The following GRIK1 variants were observed in gnomAD, a reference collection of about 807,000 sequenced individuals.
GRIK1 encodes the protein glutamate ionotropic receptor kainate type subunit 1, also known as glutamate receptor ionotropic, kainate 1.
In GRIK1, 69 loss-of-function variants were observed where a neutral mutation model predicts 105.7. The ratio of observed to expected loss-of-function variants is 0.65; its 90% CI spans 0.54 to 0.80. The LOEUF (loss-of-function observed/expected upper bound fraction) is 0.80. Ranked by LOEUF, GRIK1 falls within the 30% of genes least tolerant of loss-of-function variation. The pLI, the probability that GRIK1 is intolerant of heterozygous loss-of-function variation, is 0.00. For missense variants in GRIK1, 1,109 were observed against 1,167.3 expected (o/e 0.95, Z 0.73); for synonymous variants, 438 against 431.3 (o/e 1.02, Z -0.19).
At chr21:29,838,295 A>G (rs1288501778) in intron 1 of GRIK1, among the ~76,000 whole-genome samples, 1 of 152,176 alleles carries the variant, frequency 6.6e-6, no homozygotes, top group Non-Finnish European at 1.5e-5. Context: ...CCAAGAAGAT[A>G]GTTTTGTATT....
At chr21:29,547,284 C>T (rs2090064982) in intron 16 of GRIK1, among the ~76,000 whole-genome samples, 1 of 152,212 alleles carries the variant, frequency 6.6e-6, no homozygotes, top group Non-Finnish European at 1.5e-5. Context: ...GGAGGCCTTT[C>T]TGCCTTGAAG....
chr21:29,598,654 G>A lies in GRIK1; in HGVS notation c.1206+176C>T, dbSNP rs73348601. On this transcript the variant is annotated intron_variant, in intron 8 of 17. Coordinates refer to ENST00000327783, the MANE Select transcript of GRIK1 (RefSeq NM_001330994.2). ...GCTATTACTAAGACATGAAATTTAA[G>A]AATCTAGCACATCAACTTCTATCTG... 3.6e-3 allele frequency: 1,811 copies of A among 506,514 alleles called. 29 individuals are homozygous for A. Among genetic ancestry groups the A allele is most frequent in the African/African-American group, 0.032 (1,620 of 51,202 alleles). The allele number at this position is 506,514 out of a possible 1,614,324, so 31.4% of individuals were successfully genotyped here.
intron 11 of GRIK1, among the ~76,000 whole-genome samples, chr21:29,588,304 T>C (rs2061276891): frequency 6.6e-6 from 1 of 152,158 alleles, no homozygotes; most frequent in African/African-American, 2.4e-5. Flanking sequence ...CCATATAATA[T>C]GGTTTGGTTC....
intron 1 of GRIK1, among the ~76,000 whole-genome samples, chr21:29,794,471 T>C (rs182967990): frequency 2.0e-5 from 3 of 152,122 alleles, no homozygotes; most frequent in Middle Eastern, 3.2e-3. Context: ...TTACTTTGGG[T>C]TTACAGTCAG....
At chr21:29,780,475 A>G (rs1203509836) in intron 1 of GRIK1, among the ~76,000 whole-genome samples, 2 of 152,214 alleles carry the variant, frequency 1.3e-5, no homozygotes, top group African/African-American at 4.8e-5. Flanking sequence ...TTGAATTATT[A>G]AAGCCAACAA....
At chr21:29,618,855 C>T (rs886408849) in intron 7 of GRIK1, among the ~76,000 whole-genome samples, 10 of 152,252 alleles carry the variant, frequency 6.6e-5, no homozygotes, top group Admixed American at 2.0e-4. Context: ...GGGCCGGGTG[C>T]GGTGGCTCAC....
intron 7 of GRIK1, chr21:29,601,165 A>C (rs937138841): frequency 1.0e-5 from 5 of 486,008 alleles, no homozygotes; most frequent in African/African-American, 3.9e-5. Context: ...CATTCAATTC[A>C]TGTAGAGCCT....
chr21:29,670,012 G>A (rs2063133820), intron 4 of GRIK1, among the ~76,000 whole-genome samples: 1 of 152,190 alleles, frequency 6.6e-6, no homozygotes, highest in South Asian at 2.1e-4. Flanking sequence ...TTCAAGCACA[G>A]CAGCCTCTGG....
At chr21:29,855,272 A>G (rs1398447500) in intron 1 of GRIK1, among the ~76,000 whole-genome samples, 1 of 152,244 alleles carries the variant, frequency 6.6e-6, no homozygotes, top group Non-Finnish European at 1.5e-5. Context: ...AAGTAGTAAA[A>G]TAAAAAAGAA....
chr21:29,913,601 G>A (rs2070892452), intron 1 of GRIK1, among the ~76,000 whole-genome samples: 1 of 151,162 alleles, frequency 6.6e-6, no homozygotes, highest in Admixed American at 6.6e-5. Flanking sequence ...TTACAACAGT[G>A]TAGAAAAGGT....
At chr21:29,873,354 G>A (rs1223135606) in intron 1 of GRIK1, among the ~76,000 whole-genome samples, 2 of 152,198 alleles carry the variant, frequency 1.3e-5, no homozygotes, top group Admixed American at 1.3e-4. Context: ...GGGCATTTCT[G>A]TGTTTAAGAG....
At chr21:29,820,307 T>G (rs1360932161) in intron 1 of GRIK1, among the ~76,000 whole-genome samples, 1 of 152,126 alleles carries the variant, frequency 6.6e-6, no homozygotes, top group African/African-American at 2.4e-5. Context: ...AAGATCACCA[T>G]GGGCACCTGT....
At chr21:29,830,654 G>A (rs923005376) in intron 1 of GRIK1, among the ~76,000 whole-genome samples, 3 of 151,912 alleles carry the variant, frequency 2.0e-5, no homozygotes, top group Admixed American at 6.6e-5. Flanking sequence ...TTGTGTCCTA[G>A]GAAGTTTTAC....
intron 1 of GRIK1, among the ~76,000 whole-genome samples, chr21:29,775,366 T>C (rs1415954844): frequency 6.6e-6 from 1 of 151,812 alleles, no homozygotes; most frequent in East Asian, 1.9e-4. Flanking sequence ...TTTGGAATCC[T>C]GGTATTGTTG....
chr21:29,698,865 C>A (rs140073280), intron 1 of GRIK1, among the ~76,000 whole-genome samples: 1 of 152,204 alleles, frequency 6.6e-6, no homozygotes, highest in Non-Finnish European at 1.5e-5. Flanking sequence ...AATATTTGTG[C>A]CATTTAAAAT....
intron 1 of GRIK1, among the ~76,000 whole-genome samples, chr21:29,769,136 T>G (rs1006883337): frequency 2.0e-5 from 3 of 152,150 alleles, no homozygotes; most frequent in South Asian, 4.1e-4. Flanking sequence ...AGTAGGTGTT[T>G]GTTATAGGTA....
chr21:29,604,046 T>A (rs73197507), intron 7 of GRIK1, among the ~76,000 whole-genome samples: 322 of 152,296 alleles, frequency 2.1e-3, no homozygotes, highest in Non-Finnish European at 3.6e-3. Flanking sequence ...ATTTATCTCT[T>A]AGGGGAGCAT....
chr21:29,743,600 T>C (rs1383939750), intron 1 of GRIK1, among the ~76,000 whole-genome samples: 2 of 151,718 alleles, frequency 1.3e-5, no homozygotes, highest in Admixed American at 1.3e-4. Flanking sequence ...GAGGCTGAGG[T>C]AGGAGAATCA....
intron 1 of GRIK1, among the ~76,000 whole-genome samples, chr21:29,867,458 A>C (rs1407426798): frequency 1.3e-5 from 2 of 152,074 alleles, no homozygotes; most frequent in African/African-American, 4.8e-5. Flanking sequence ...CCCCTAGAAA[A>C]GTGAATCTGT....
Sources: gnomAD v4.1 joint callset for allele counts (sites outside exome capture counted in the v4.1 genomes callset) on GRCh38, gnomAD v4.1.1 for gene constraint, MANE v1.5 for transcripts, NCBI Gene and HGNC (gene_info 2026-07-23, HGNC 2026-07-21) for gene names.